C13orf42: variants seen among roughly 807,000 people sequenced by gnomAD.
C13orf42 encodes uncharacterized protein C13orf42.
At chr13:51,125,631 A>G (rs762871628) in intron 1 of C13orf42, among the ~76,000 whole-genome samples, 44 of 152,344 alleles carry the variant, frequency 2.9e-4, no homozygotes, top group Non-Finnish European at 5.7e-4. Flanking sequence ...AGAATCACTC[A>G]GGTCACTGTG....
At chr13:51,144,621 G>A (rs1342358166) in intron 1 of C13orf42, among the ~76,000 whole-genome samples, 1 of 150,126 alleles carries the variant, frequency 6.7e-6, no homozygotes, top group Non-Finnish European at 1.5e-5. Context: ...AGCCAATAAA[G>A]CCCTTGGAAA....
chr13:51,165,720 CAA>C (rs1429021035), intron 1 of C13orf42, among the ~76,000 whole-genome samples: 2 of 152,104 alleles, frequency 1.3e-5, no homozygotes, highest in African/African-American at 4.8e-5. Flanking sequence ...ATCACCTTGA[CAA>C]GAGCAATTTT....
intron 1 of C13orf42, among the ~76,000 whole-genome samples, chr13:51,150,439 A>G (rs1953769704): frequency 6.6e-6 from 1 of 152,204 alleles, no homozygotes. Context: ...AACTTCAATC[A>G]CACGGGAAGG....
intron 1 of C13orf42, among the ~76,000 whole-genome samples, chr13:51,140,094 C>G (rs1310407670): frequency 6.6e-6 from 1 of 152,226 alleles, no homozygotes; most frequent in African/African-American, 2.4e-5. Context: ...AGTCACTCCT[C>G]TGCTCACTGA....
At chr13:51,148,519 C>T (rs1037586951) in intron 1 of C13orf42, among the ~76,000 whole-genome samples, 5 of 152,192 alleles carry the variant, frequency 3.3e-5, no homozygotes, top group African/African-American at 4.8e-5. Context: ...AGGTAAAAGC[C>T]GGCAGCCCCC....
intron 2 of C13orf42, among the ~76,000 whole-genome samples, 154 bp from the exon 3 acceptor site, chr13:51,085,713 G>A (rs2137972121): frequency 6.6e-6 from 1 of 152,380 alleles, no homozygotes; most frequent in Non-Finnish European, 1.5e-5. Flanking sequence ...TGACTCTGCA[G>A]TTGTGGTGCA....
At position 51,083,935 on chromosome 13, in the gene C13orf42, C is replaced by T. The variant is rs573370670; in HGVS notation, c.*216G>A. ...CTGTAAGTCCCTGGTCATCAGCCCA[C>T]GCAGAGAAACTCAAGCTCTGAGAGT... On this transcript the variant is annotated 3_prime_UTR_variant, in exon 4 of 4. Transcript: ENST00000563710. The T allele has an allele frequency of 1.8e-4, 65 of 365,848 alleles. No individual in the cohort carries two copies. The highest frequency in any genetic ancestry group is 8.8e-4 in the East Asian group (22 of 25,068). 22.7% of individuals were successfully genotyped at this position (365,848 alleles called of 1,614,324 possible).
chr13:51,110,152 G>A (rs773206016), intron 1 of C13orf42, among the ~76,000 whole-genome samples: 8 of 152,172 alleles, frequency 5.3e-5, no homozygotes, highest in African/African-American at 1.9e-4. Context: ...TTTGGCTTGC[G>A]TGGGGCTAAG....
intron 1 of C13orf42, 88 bp from the exon 2 acceptor site, chr13:51,088,163 GC>G (rs1347353212): frequency 2.5e-6 from 1 of 396,818 alleles, no homozygotes; most frequent in African/African-American, 2.1e-5. Flanking sequence ...AAAACGAAAT[GC>G]GCGTGGGGTT....
intron 1 of C13orf42, among the ~76,000 whole-genome samples, chr13:51,104,025 G>A (rs1364913436): frequency 6.6e-6 from 1 of 152,064 alleles, no homozygotes; most frequent in Admixed American, 6.6e-5. Flanking sequence ...TAGTTAAAAT[G>A]GTAATATTAA....
At chr13:51,169,500 C>T (rs548098133) in intron 1 of C13orf42, among the ~76,000 whole-genome samples, 24 of 152,168 alleles carry the variant, frequency 1.6e-4, no homozygotes, top group Non-Finnish European at 2.6e-4. Context: ...ATGTTGATAG[C>T]CAACATAATA....
chr13:51,140,305 C>T (rs1953686676), intron 1 of C13orf42, among the ~76,000 whole-genome samples: 1 of 152,218 alleles, frequency 6.6e-6, no homozygotes, highest in African/African-American at 2.4e-5. Context: ...TCATGTCTCC[C>T]TCAATGTATA....
At chr13:51,148,111 C>A (rs1953752701) in intron 1 of C13orf42, among the ~76,000 whole-genome samples, 1 of 152,302 alleles carries the variant, frequency 6.6e-6, no homozygotes, top group Admixed American at 6.5e-5. Flanking sequence ...AGCACTTTGA[C>A]CCATGTGATT....
At chr13:51,131,403 G>T (rs1953615350) in intron 1 of C13orf42, among the ~76,000 whole-genome samples, 1 of 152,104 alleles carries the variant, frequency 6.6e-6, no homozygotes, top group South Asian at 2.1e-4. Context: ...TCCAATAAAA[G>T]CCCCTTGGGA....
In C13orf42 at chr13:51,139,810, A is replaced by T. The variant is rs1953683564; in HGVS notation, n.137-26588T>A. On this transcript the variant is annotated intron_variant and non_coding_transcript_variant, in intron 1 of 4. Coordinates refer to the C13orf42 transcript ENST00000433280. ...TACCATATAATGAAGAAATCACCATAAAAATGAGCAACCAGCAGCCCTCAG... is the reference window on the plus strand; with the variant it reads ...TACCATATAATGAAGAAATCACCATTAAAATGAGCAACCAGCAGCCCTCAG... Among the ~76,000 whole-genome samples the T allele has an allele frequency of 2.0e-5, 3 of 152,334 alleles. No individual in the cohort carries two copies. The South Asian group carries it at 6.2e-4, about 32-fold the overall frequency.
intron 1 of C13orf42, among the ~76,000 whole-genome samples, chr13:51,130,310 T>G (rs1953606675): frequency 6.6e-6 from 1 of 152,198 alleles, no homozygotes; most frequent in Non-Finnish European, 1.5e-5. Flanking sequence ...TTTGGAGCAT[T>G]AGATTCTAGA....
chr13:51,150,556 T>C (rs1458765664), intron 1 of C13orf42, among the ~76,000 whole-genome samples: 1 of 152,218 alleles, frequency 6.6e-6, no homozygotes, highest in Non-Finnish European at 1.5e-5. Context: ...AAATTATATA[T>C]ACTTTCAGCA....
upstream of C13orf42, among the ~76,000 whole-genome samples, chr13:51,115,742 T>C (rs948073346): frequency 6.6e-6 from 1 of 152,156 alleles, no homozygotes; most frequent in African/African-American, 2.4e-5. Flanking sequence ...ATAAATGTGT[T>C]GAATATTGAA....
chr13:51,137,535 A>T (rs1320886886), intron 1 of C13orf42, among the ~76,000 whole-genome samples: 1 of 151,232 alleles, frequency 6.6e-6, no homozygotes, highest in Non-Finnish European at 1.5e-5. Context: ...ACCCAGCACC[A>T]CTCCCTGCCT....
Sources: allele counts gnomAD v4.1 joint callset (sites outside exome capture counted in the v4.1 genomes callset), GRCh38; gene constraint gnomAD v4.1.1; transcripts MANE v1.5; gene names NCBI Gene and HGNC (gene_info 2026-07-23, HGNC 2026-07-21).